Variants in FRMPD4 observed in about 807,000 individuals in gnomAD.
The protein encoded by FRMPD4 is FERM and PDZ domain containing 4, also known as FERM and PDZ domain-containing protein 4.
In FRMPD4, 22 loss-of-function variants were observed where a neutral mutation model predicts 94.1. The ratio of observed to expected loss-of-function variants is 0.23; its 90% confidence interval spans 0.17 to 0.33. FRMPD4 has a LOEUF of 0.33. Ranked by LOEUF, FRMPD4 falls within the 10% of genes least tolerant of loss-of-function variation. The probability of loss-of-function intolerance (pLI) is 1.00; values close to 1 mark genes in which losing one functional copy is unlikely to be tolerated. For synonymous variants in FRMPD4, 631 were observed against 548.6 expected (o/e 1.15, Z -2.10); for missense variants, 1,111 against 1,339.9 (o/e 0.83, Z 2.67).
At chrX:12,253,529 T>C (rs2054071662) in intron 1 of FRMPD4, among the ~76,000 whole-genome samples, 1 of 112,214 alleles carries the variant, frequency 8.9e-6, no homozygotes, top group Non-Finnish European at 1.9e-5. Context: ...CTAATGTCAT[T>C]ACCCTCTACT....
intron 3 of FRMPD4, among the ~76,000 whole-genome samples, chrX:12,611,457 T>G (rs1338128592): frequency 1.1e-5 from 1 of 88,543 alleles, no homozygotes; most frequent in Non-Finnish European, 2.2e-5. Context: ...TCTCTACATC[T>G]TCTGTATAAT....
intron 3 of FRMPD4, among the ~76,000 whole-genome samples, chrX:11,899,242 T>C (rs1201051331): frequency 8.9e-6 from 1 of 111,755 alleles, no homozygotes; most frequent in Non-Finnish European, 1.9e-5. Context: ...TTTCAGGAAG[T>C]GGCTGGTGAC....
intron 5 of FRMPD4, among the ~76,000 whole-genome samples, chrX:12,679,498 T>C (rs926322607): frequency 9.0e-6 from 1 of 111,071 alleles, no homozygotes; most frequent in Non-Finnish European, 1.9e-5. Flanking sequence ...ATTTCATTGG[T>C]CTCTTTAAAT....
intron 1 of FRMPD4, among the ~76,000 whole-genome samples, chrX:12,152,010 A>T (rs778520456): frequency 2.7e-5 from 3 of 111,786 alleles, no homozygotes; most frequent in Non-Finnish European, 5.6e-5. Context: ...AATTGTGGGC[A>T]TTCTAGTTCC....
intron 2 of FRMPD4, among the ~76,000 whole-genome samples, chrX:12,506,910 GCC>G (rs1370633504): frequency 1.8e-5 from 2 of 112,113 alleles, no homozygotes; most frequent in Admixed American, 9.4e-5. Flanking sequence ...ACAGTGGGCT[GCC>G]CTATCTTTCC....
At position 12,716,653 on chromosome X, in the gene FRMPD4, G is replaced by A. The variant is rs778935595; in HGVS notation, c.2194G>A (p.Glu732Lys). ...VKSFQAAEGI[E>K]EPLLHDICYA... is the part of the protein sequence containing the mutation. ...GAGCTTCCAGGCCGCGGAGGGGATC[G>A]AGGAACCCCTCTTGCATGACATCTG... Residue 732 changes from glutamate to lysine, a missense_variant, in exon 15 of 17, where the codon GAG (glutamate) becomes AAG (lysine). By Grantham distance (56) the Glu-to-Lys change is moderately conservative. Transcript: ENST00000675598. 11 of 1,206,503 alleles carry A rather than the reference G, an allele frequency of 9.1e-6. No homozygotes were observed. The highest frequency in any genetic ancestry group is 6.6e-5 in the Admixed American group (3 of 45,789).
chrX:12,662,410 T>A lies in FRMPD4; in HGVS notation c.423-12453T>A, dbSNP rs745671327. ...TGTTCTCCTCCCTGTGTCCATGTGT[T>A]CTCATTGTTCAACTCCCACTTATGA... On this transcript the variant is annotated intron_variant, in intron 4 of 16. Coordinates refer to ENST00000675598, the MANE Select transcript of FRMPD4 (RefSeq NM_001368397.1). Among the ~76,000 whole-genome samples the A allele has an allele frequency of 2.7e-5, 3 of 110,558 alleles. No homozygotes were observed. The South Asian group carries it at 1.2e-3, about 44-fold the overall frequency.
At chrX:12,250,024 C>T (rs1365561978) in intron 1 of FRMPD4, among the ~76,000 whole-genome samples, 3 of 41,532 alleles carry the variant, frequency 7.2e-5, no homozygotes, top group Non-Finnish European at 1.2e-4. Flanking sequence ...TTATGGTATT[C>T]TCTCTCTCTC....
At chrX:12,332,190 T>TTA (rs1173963808) in intron 1 of FRMPD4, among the ~76,000 whole-genome samples, 1,179 of 63,448 alleles carry the variant, frequency 0.019, 96 homozygotes, top group African/African-American at 0.061. Flanking sequence ...AATTTATATT[T>TTA]TATATATATA....
At chrX:12,544,769 T>C (rs957011315) in intron 2 of FRMPD4, among the ~76,000 whole-genome samples, 5 of 111,340 alleles carry the variant, frequency 4.5e-5, no homozygotes, top group African/African-American at 1.6e-4. Flanking sequence ...AATGGGTTAC[T>C]CTAAACCTAT....
intron 2 of FRMPD4, among the ~76,000 whole-genome samples, chrX:11,867,482 G>A (rs1418917747): frequency 9.0e-6 from 1 of 111,535 alleles, no homozygotes; most frequent in Non-Finnish European, 1.9e-5. Context: ...CAGACCCCTT[G>A]ATAACTCTTT....
intron 3 of FRMPD4, among the ~76,000 whole-genome samples, chrX:12,612,108 A>G (rs1013377260): frequency 6.3e-5 from 7 of 111,475 alleles, no homozygotes; most frequent in Admixed American, 9.5e-5. Flanking sequence ...ATGCAGACAC[A>G]TTTTTTCCTA....
intron 2 of FRMPD4, among the ~76,000 whole-genome samples, chrX:12,509,723 A>G (rs1455759559): frequency 9.0e-6 from 1 of 111,484 alleles, no homozygotes; most frequent in Non-Finnish European, 1.9e-5. Context: ...TGTTCCCCCA[A>G]TAACCTATGG....
At position 12,474,374 on chromosome X, in the gene FRMPD4, A is replaced by G. The variant is rs749310520; in HGVS notation, c.42-24306A>G. Among the ~76,000 whole-genome samples the G allele has an allele frequency of 2.2e-3, 247 of 111,543 alleles. 1 individual carries two copies. Among genetic ancestry groups the G allele is most frequent in the African/African-American group, 7.6e-3 (231 of 30,507 alleles). The stretch of plus-strand genomic sequence containing the variant: ...GAGAAAGCAGGAAAGATCTAAAATC[A>G]AGACCCTAATATCACAATTAAAAGA... On this transcript the variant is annotated intron_variant, in intron 1 of 16. Coordinates refer to ENST00000675598, the MANE Select transcript of FRMPD4 (RefSeq NM_001368397.1).
chrX:12,008,933 C>T (rs2054567847), intron 3 of FRMPD4, among the ~76,000 whole-genome samples: 1 of 111,835 alleles, frequency 8.9e-6, no homozygotes. Flanking sequence ...ATGAATATTT[C>T]ATGATATGTA....
At chrX:12,186,447 A>G (rs997427425) in intron 1 of FRMPD4, among the ~76,000 whole-genome samples, 1 of 111,752 alleles carries the variant, frequency 8.9e-6, no homozygotes, top group African/African-American at 3.2e-5. Flanking sequence ...ATCTCCCAAA[A>G]TACTCATTGG....
Position 12,138,658 on chromosome X carries a change from G to T in FRMPD4, c.-314G>T. 3.4e-6 allele frequency: 1 copy of T among 297,176 alleles called. No homozygotes were observed. Among genetic ancestry groups the T allele is most frequent in the Admixed American group, 6.0e-5 (1 of 16,532 alleles). 24.5% of individuals were successfully genotyped at this position (297,176 alleles called of 1,213,427 possible). On this transcript the variant is annotated 5_prime_UTR_variant, in exon 1 of 17. Transcript: ENST00000675598. ...TCCCCGGGGCTAGAGCGCACGGGGC[G>T]GGGCGCGAGACCCGGGCCGCGCTCC...
chrX:12,225,475 C>T (rs1048007167), intron 1 of FRMPD4, among the ~76,000 whole-genome samples: 3 of 112,112 alleles, frequency 2.7e-5, no homozygotes, highest in Non-Finnish European at 5.6e-5. Context: ...CTGAGTGAAG[C>T]TAATACTTAA....
At chrX:12,274,086 A>C (rs941723427) in intron 1 of FRMPD4, among the ~76,000 whole-genome samples, 2 of 111,123 alleles carry the variant, frequency 1.8e-5, no homozygotes, top group South Asian at 7.7e-4. Flanking sequence ...TAAAATGTGG[A>C]GTCAACACAT....
Sources: gnomAD v4.1 joint callset for allele counts (sites outside exome capture counted in the v4.1 genomes callset) on GRCh38, gnomAD v4.1.1 for gene constraint, MANE v1.5 for transcripts, NCBI Gene and HGNC (gene_info 2026-07-23, HGNC 2026-07-21) for gene names.